Variants in INTS12 observed in about 807,000 individuals in gnomAD.
INTS12 encodes PHD finger protein 22.
INTS12 carries 13 observed loss-of-function variants against 41.6 expected under a neutral mutation model. The ratio of observed to expected loss-of-function variants is 0.31; its 90% CI spans 0.20 to 0.50. The LOEUF is 0.50. INTS12 is among the 20% of genes least tolerant of loss of function. The pLI, the probability that INTS12 is intolerant of heterozygous loss-of-function variation, is 0.98. For missense variants in INTS12, 432 were observed against 541.6 expected (o/e 0.80, Z 2.01); for synonymous variants, 199 against 191.4 (o/e 1.04, Z -0.33).
At chr4:105,702,548 A>G (rs935971609) in intron 2 of INTS12, among the ~76,000 whole-genome samples, 2 of 152,230 alleles carry the variant, frequency 1.3e-5, no homozygotes, top group Non-Finnish European at 2.9e-5. Context: ...AGCCAGTGAA[A>G]TCTGAAACTT....
Position 105,692,004 on chromosome 4 carries a change from G to A in INTS12, c.629C>T (p.Ala210Val), listed in dbSNP as rs895076352. 3.2e-6 allele frequency: 5 copies of A among 1,586,042 alleles called. No homozygotes were observed. Among genetic ancestry groups the A allele is most frequent in the Non-Finnish European group, 3.4e-6 (4 of 1,166,722 alleles). ...TCTTTTCATTTGTCTGGTACATCGG[G>A]CACAATACCACACCAGGCGAGGGTC... ...ANDPRLVWYC[A>V]RCTRQMKRMA... Residue 210 changes from alanine to valine, a missense_variant, in exon 6 of 8, where the codon GCC becomes GTC. Ala to Val is a moderately conservative substitution (Grantham distance 64). Transcript: ENST00000340139.
chr4:105,689,095 T>C (rs1423551075), intron 6 of INTS12, among the ~76,000 whole-genome samples: 3 of 152,246 alleles, frequency 2.0e-5, no homozygotes, highest in East Asian at 3.8e-4. Flanking sequence ...TACCTTAGAT[T>C]GAGAACCACT....
At chr4:105,708,389 G>A (rs141093981) in intron 1 of INTS12, 1 of 985,422 alleles carries the variant, frequency 1.0e-6, no homozygotes, top group East Asian at 1.1e-4. Flanking sequence ...AGGATTCCAA[G>A]TCCCTTGTCC....
Position 105,691,461 on chromosome 4 carries a change from T to C in INTS12, c.657+515A>G, listed in dbSNP as rs147147175. Among the ~76,000 whole-genome samples the C allele has an allele frequency of 2.4e-3, 369 of 152,204 alleles. 2 individuals carry two copies. The highest frequency in any genetic ancestry group is 8.6e-3 in the African/African-American group (358 of 41,518). Reference sequence around the variant, plus strand: ...AAAAAGAGAAAGTACATAGGAAGAATGAGGTAATGGTCACTTGAGGACAAT... The same window carrying C: ...AAAAAGAGAAAGTACATAGGAAGAACGAGGTAATGGTCACTTGAGGACAAT... On this transcript the variant is annotated intron_variant, in intron 6 of 7. Transcript: ENST00000340139.
At chr4:105,700,890 T>C (rs924282452) in intron 2 of INTS12, among the ~76,000 whole-genome samples, 1 of 152,170 alleles carries the variant, frequency 6.6e-6, no homozygotes, top group African/African-American at 2.4e-5. Flanking sequence ...CTGCTTCTGG[T>C]TGTCACTTTT....
chr4:105,693,318 A>G lies in INTS12; in HGVS notation c.478T>C (p.Leu160=). 6.2e-7 allele frequency: 1 copy of G among 1,609,016 alleles called. No individual in the cohort carries two copies. The highest frequency in any genetic ancestry group is 1.1e-5 in the South Asian group (1 of 90,302). ...ACTTACCTACAAACAACGCAGGCCA[A>G]TCCCATCTCCATGGCAAAATCATCA... is the stretch of plus-strand genomic sequence containing the variant. The part of the protein sequence containing the change: ...SADDFAMEMG[L]ACVVCRQMMV... The change falls in exon 5 of 8, where the codon TTG becomes CTG. Residue 160 remains leucine (L), a synonymous_variant. Coordinates refer to ENST00000340139, the MANE Select transcript of INTS12 (RefSeq NM_020395.4).
intron 1 of INTS12, chr4:105,707,852 G>A (rs17262764): frequency 0.28 from 153,388 of 539,828 alleles, 29,856 homozygotes; most frequent in African/African-American, 0.81. Context: ...GATCTCTCCA[G>A]TCTAAATTGG....
chr4:105,690,327 G>T (rs1447734207), intron 6 of INTS12, among the ~76,000 whole-genome samples: 1 of 152,210 alleles, frequency 6.6e-6, no homozygotes, highest in Non-Finnish European at 1.5e-5. Flanking sequence ...AAATATTTTA[G>T]AAGAATTCTA....
chr4:105,697,988 C>T (rs1342903664), intron 3 of INTS12, among the ~76,000 whole-genome samples: 3 of 152,034 alleles, frequency 2.0e-5, no homozygotes, highest in African/African-American at 7.2e-5. Context: ...AGGGAGAGAG[C>T]GCAGTGAGCC....
At position 105,695,789 on chromosome 4, in the gene INTS12, T is replaced by A. The variant is rs1047096536; in HGVS notation, c.157-121A>T. The A allele has an allele frequency of 3.0e-5, 23 of 760,340 alleles. No individual in the cohort carries two copies. In the East Asian group the frequency reaches 6.3e-4, roughly 21 times the overall value. 47.1% of individuals were successfully genotyped at this position (760,340 alleles called of 1,614,324 possible). ...ACATTTCATTATAACCAATGTAATA[T>A]TCCTTTCTTAAATAGTTAAATAGCT... On this transcript the variant is annotated intron_variant, in intron 3 of 7. Coordinates refer to ENST00000340139, the MANE Select transcript of INTS12 (RefSeq NM_020395.4).
chr4:105,683,736 C>T (rs1216489886), intron 7 of INTS12, among the ~76,000 whole-genome samples: 1 of 151,872 alleles, frequency 6.6e-6, no homozygotes, highest in Non-Finnish European at 1.5e-5. Context: ...CTCTTAATAG[C>T]AAAAATGCCC....
intron 6 of INTS12, among the ~76,000 whole-genome samples, chr4:105,690,646 G>C (rs2149180755): frequency 6.6e-6 from 1 of 152,178 alleles, no homozygotes; most frequent in African/African-American, 2.4e-5. Flanking sequence ...GCTCACCCAG[G>C]AAGAGGGTTA....
At chr4:105,701,935 C>T (rs575910125) in intron 2 of INTS12, among the ~76,000 whole-genome samples, 9 of 152,144 alleles carry the variant, frequency 5.9e-5, no homozygotes, top group African/African-American at 2.2e-4. Flanking sequence ...ACCTAGATTA[C>T]AAGACTGCGG....
intron 1 of INTS12, chr4:105,707,752 T>TA (rs1732345153): frequency 6.3e-6 from 1 of 158,584 alleles, no homozygotes; most frequent in Non-Finnish European, 1.4e-5. Context: ...GTTATTTCCC[T>TA]AGTGCTTGAA....
At chr4:105,688,173 A>G (rs1313722183) in intron 6 of INTS12, among the ~76,000 whole-genome samples, 2 of 152,178 alleles carry the variant, frequency 1.3e-5, no homozygotes, top group Non-Finnish European at 2.9e-5. Flanking sequence ...TTTATTCATC[A>G]TTATTATTTA....
chr4:105,684,563 A>C (rs72671808), intron 7 of INTS12, among the ~76,000 whole-genome samples: 8,174 of 152,190 alleles, frequency 0.054, 249 homozygotes, highest in Middle Eastern at 0.14. Context: ...GTTCTGAGAT[A>C]TTCGATTTAT....
At chr4:105,705,050 T>A (rs1732217903) in intron 1 of INTS12, among the ~76,000 whole-genome samples, 1 of 152,204 alleles carries the variant, frequency 6.6e-6, no homozygotes, top group South Asian at 2.1e-4. Flanking sequence ...AATAAGATTC[T>A]TAACAAGGTC....
intron 2 of INTS12, among the ~76,000 whole-genome samples, chr4:105,700,506 T>C (rs986359051): frequency 4.6e-5 from 7 of 151,458 alleles, no homozygotes; most frequent in African/African-American, 9.7e-5. Context: ...TTAGCTATCA[T>C]GGTCACTGCT....
intron 2 of INTS12, among the ~76,000 whole-genome samples, 172 bp downstream of exon 2, chr4:105,703,476 G>A (rs560393743): frequency 3.9e-5 from 6 of 152,098 alleles, no homozygotes; most frequent in South Asian, 2.1e-4. Context: ...GCAGTATGCC[G>A]TTTACTTCCT....
Sources: allele counts gnomAD v4.1 joint callset (sites outside exome capture counted in the v4.1 genomes callset), GRCh38; gene constraint gnomAD v4.1.1; transcripts MANE v1.5; gene names NCBI Gene and HGNC (gene_info 2026-07-23, HGNC 2026-07-21).